The following ADD2 variants were observed in gnomAD, a reference collection of about 807,000 sequenced individuals.
The protein encoded by ADD2 is adducin 2, also known as beta-adducin.
Under a neutral mutation model 83.0 loss-of-function variants are expected in ADD2, and 23 were observed. That is an observed-to-expected ratio of 0.28 (90% CI 0.20 to 0.39). ADD2 has a LOEUF of 0.39. ADD2 is among the 10% of genes least tolerant of loss of function. ADD2 has a pLI of 1.00. For missense variants in ADD2, 758 were observed against 944.9 expected, an observed-to-expected ratio of 0.80 and a Z score of 2.59; for synonymous variants, 375 against 375.4, an observed-to-expected ratio of 1.00 and a Z score of 0.01.
chr2:70,710,368 G>T (rs1282507767), intron 2 of ADD2, among the ~76,000 whole-genome samples: 1 of 152,242 alleles, frequency 6.6e-6, no homozygotes, highest in Non-Finnish European at 1.5e-5. Flanking sequence ...CTGTGAAGTA[G>T]CTCTGCCCTC....
intron 14 of ADD2, among the ~76,000 whole-genome samples, chr2:70,673,876 C>A (rs1670013000): frequency 6.6e-6 from 1 of 151,760 alleles, no homozygotes; most frequent in South Asian, 2.1e-4. Context: ...GGATTACAGG[C>A]CATTCCTGGC....
At chr2:70,732,555 C>A (rs1553379493) in intron 1 of ADD2, among the ~76,000 whole-genome samples, 2 of 152,282 alleles carry the variant, frequency 1.3e-5, no homozygotes, top group East Asian at 3.9e-4. Context: ...GACTACGAGA[C>A]CAGGGTCTGG....
In ADD2 at chr2:70,662,361, AAAG is replaced by A. The variant is rs1422146712; in HGVS notation, c.*1061_*1063del. 1 of 152,190 alleles carries A rather than the reference AAAG, an allele frequency of 6.6e-6. No individual in the cohort carries two copies. Among genetic ancestry groups the A allele is most frequent in the Non-Finnish European group, 1.5e-5 (1 of 68,052 alleles). 9.4% of individuals were successfully genotyped at this position (152,190 alleles called of 1,614,324 possible). A position where few individuals can be genotyped will look rare whatever the true frequency, so the allele number is the denominator to read the frequency against. ...CATTTCTGATTCTCCTCTGCTGGACAAAGAATGACTGAGTTGGAACCTCAGAGG... is the reference window on the plus strand; with the variant it reads ...CATTTCTGATTCTCCTCTGCTGGACAAATGACTGAGTTGGAACCTCAGAGG... On this transcript the variant is annotated 3_prime_UTR_variant, in exon 16 of 16. Transcript: ENST00000264436.
Position 70,676,501 on chromosome 2 carries a change from G to A in ADD2, c.1593+295C>T, listed in dbSNP as rs1282693146. 1.5e-6 allele frequency: 2 copies of A among 1,361,564 alleles called. No homozygotes were observed. Among genetic ancestry groups the A allele is most frequent in the Non-Finnish European group, 1.9e-6 (2 of 1,054,314 alleles). The allele number at this position is 1,361,564 out of a possible 1,614,324, so 84.3% of individuals were successfully genotyped here. A position where few individuals can be genotyped will look rare whatever the true frequency, so the allele number is the denominator to read the frequency against. ...CCCCACTTCACGGGGTAGTAAGGGA[G>A]GACAGAGTGGAGTTCCATGGCAGGA... On this transcript the variant is annotated intron_variant, in intron 13 of 15. Coordinates refer to ENST00000264436, the MANE Select transcript of ADD2 (RefSeq NM_001617.4). The surrounding 1 kb of genome is among the most constrained non-coding windows in gnomAD (Gnocchi z 4.8).
At chr2:70,757,908 T>C (rs1674879217) in intron 1 of ADD2, among the ~76,000 whole-genome samples, 1 of 152,192 alleles carries the variant, frequency 6.6e-6, no homozygotes, top group African/African-American at 2.4e-5. Flanking sequence ...AGAAAAACAA[T>C]TTAAAAATAA....
intron 1 of ADD2, among the ~76,000 whole-genome samples, chr2:70,730,887 T>G (rs1673247203): frequency 6.6e-6 from 1 of 152,250 alleles, no homozygotes; most frequent in Non-Finnish European, 1.5e-5. Flanking sequence ...TATACCATAT[T>G]GCCTAGGTGT....
At chr2:70,723,179 A>G (rs12713710) in intron 1 of ADD2, among the ~76,000 whole-genome samples, 45,243 of 152,018 alleles carry the variant, frequency 0.3, 7,176 homozygotes, top group African/African-American at 0.41. Context: ...CCTCTTTCTA[A>G]TTATGTGACC....
chr2:70,703,194 G>T (rs554780728), intron 4 of ADD2, among the ~76,000 whole-genome samples: 1 of 150,466 alleles, frequency 6.6e-6, no homozygotes, highest in Non-Finnish European at 1.5e-5. Context: ...AGGAAAGGAA[G>T]AAGAAAAGAA....
rs1670083891 is a variant in ADD2 at position 70,675,439 on chromosome 2, G to A, written c.1594-614C>T. 1.0e-5 allele frequency: 10 copies of A among 985,458 alleles called. No homozygotes were observed. In the South Asian group the frequency reaches 4.2e-4, roughly 42 times the overall value. 61.0% of individuals were successfully genotyped at this position (985,458 alleles called of 1,614,324 possible). A position where few individuals can be genotyped will look rare whatever the true frequency, so the allele number is the denominator to read the frequency against. ...TACCGCAGGTCCCTGCAGGGATACTGGCAAAATCACTGGGTTTTGCCACCT... is the reference window on the plus strand; with the variant it reads ...TACCGCAGGTCCCTGCAGGGATACTAGCAAAATCACTGGGTTTTGCCACCT... On this transcript the variant is annotated intron_variant, in intron 13 of 15. Transcript: ENST00000264436.
At position 70,755,799 on chromosome 2, in the gene ADD2, G is replaced by A. The variant is rs897605752; in HGVS notation, c.-154+12087C>T. ...TTTACGGCCGGGCACGGTGGCTCAC[G>A]CCTGTAATCCCAGCACTTTGGGAGG... On this transcript the variant is annotated intron_variant, in intron 1 of 15. Coordinates refer to ENST00000264436, the MANE Select transcript of ADD2 (RefSeq NM_001617.4). Among the ~76,000 whole-genome samples the A allele has an allele frequency of 7.2e-5, 11 of 152,032 alleles. No homozygotes were observed. The East Asian group carries it at 1.4e-3, about 19-fold the overall frequency.
chr2:70,737,442 G>A (rs1673631705), intron 1 of ADD2, among the ~76,000 whole-genome samples: 1 of 151,914 alleles, frequency 6.6e-6, no homozygotes, highest in Admixed American at 6.6e-5. Flanking sequence ...GGATGAAGCT[G>A]GAAACCATCA....
chr2:70,750,177 A>G (rs1331176357), intron 1 of ADD2, among the ~76,000 whole-genome samples: 1 of 152,226 alleles, frequency 6.6e-6, no homozygotes, highest in East Asian at 1.9e-4. Flanking sequence ...CCCACCAAAT[A>G]TACCTTAGGA....
At chr2:70,724,033 C>T (rs1672859608) in intron 1 of ADD2, among the ~76,000 whole-genome samples, 1 of 152,210 alleles carries the variant, frequency 6.6e-6, no homozygotes, top group Non-Finnish European at 1.5e-5. Context: ...ACCAAAAGTG[C>T]CCAGTGATGA....
intron 4 of ADD2, among the ~76,000 whole-genome samples, chr2:70,697,030 G>A (rs372406554): frequency 2.6e-5 from 4 of 152,284 alleles, no homozygotes; most frequent in South Asian, 4.1e-4. Context: ...GTGGTGGCAC[G>A]CGCCTGTAAT....
At position 70,676,542 on chromosome 2, in the gene ADD2, C is replaced by T. The variant is rs782192668; in HGVS notation, c.1593+254G>A. 17 of 1,390,162 alleles carry T rather than the reference C, an allele frequency of 1.2e-5. No individual in the cohort carries two copies. Among genetic ancestry groups the T allele is most frequent in the Admixed American group, 3.1e-5 (1 of 32,698 alleles). The allele number at this position is 1,390,162 out of a possible 1,614,324, so 86.1% of individuals were successfully genotyped here. A position where few individuals can be genotyped will look rare whatever the true frequency, so the allele number is the denominator to read the frequency against. The stretch of plus-strand genomic sequence containing the variant: ...CATGGCAGGAGGTACGGAAGCCGGC[C>T]GCATCACTCCTGCAGGCAGGCTGGG... On this transcript the variant is annotated intron_variant, in intron 13 of 15. Transcript: ENST00000264436. The surrounding 1 kb of genome is among the most constrained non-coding windows in gnomAD (Gnocchi z 4.8).
intron 4 of ADD2, among the ~76,000 whole-genome samples, chr2:70,703,210 A>AAGAAAGAGAAAGAG (rs1283206457): frequency 1.3e-5 from 2 of 152,096 alleles, no homozygotes; most frequent in Admixed American, 6.6e-5. Flanking sequence ...AAGAAAACGA[A>AAGAAAGAGAAAGAG]AGAAAGAGAA....
intron 15 of ADD2, among the ~76,000 whole-genome samples, chr2:70,671,802 T>G (rs1289809751): frequency 2.0e-5 from 3 of 152,084 alleles, no homozygotes; most frequent in East Asian, 3.9e-4. Flanking sequence ...GGTTGGGGGA[T>G]TCTATCAGAA....
intron 7 of ADD2, 107 bp downstream of exon 7, chr2:70,692,296 C>T (rs1671082694): frequency 7.7e-7 from 1 of 1,306,334 alleles, no homozygotes; most frequent in African/African-American, 1.5e-5. Context: ...TCTCGCTTCA[C>T]CTTGGCCTGA....
At chr2:70,675,096 G>A in intron 13 of ADD2, 1 of 1,180,970 alleles carries the variant, frequency 8.5e-7, no homozygotes, top group African/African-American at 1.6e-5. Context: ...CCGAGCAGAA[G>A]GAAGACACAC....
Sources: gnomAD v4.1 joint callset for allele counts (sites outside exome capture counted in the v4.1 genomes callset) on GRCh38, gnomAD v4.1.1 for gene constraint, Gnocchi (gnomAD v3.1) non-coding constraint, MANE v1.5 for transcripts, NCBI Gene and HGNC (gene_info 2026-07-23, HGNC 2026-07-21) for gene names.